SUPT5H: variants seen among roughly 807,000 people sequenced by gnomAD.
SUPT5H encodes transcription elongation factor SPT5.
SUPT5H carries 24 observed loss-of-function variants against 142.5 expected under a neutral mutation model. The ratio of observed to expected loss-of-function variants is 0.17; its 90% CI spans 0.12 to 0.24. SUPT5H has a LOEUF of 0.24. Ranked by LOEUF, SUPT5H falls within the 10% of genes least tolerant of loss-of-function variation. SUPT5H has a pLI of 1.00. For synonymous variants in SUPT5H, 546 were observed against 553.0 expected (o/e 0.99, Z 0.18); for missense variants, 893 against 1,471.8 (o/e 0.61, Z 6.43).
chr19:39,476,230 C>T, intron 29 of SUPT5H, 26 bp from the exon 30 acceptor site: 1 of 1,613,980 alleles, frequency 6.2e-7, no homozygotes, highest in Non-Finnish European at 8.5e-7. Flanking sequence ...TGACATGGAC[C>T]CTGACCATAT....
At chr19:39,456,450 C>T (rs2079091612) in intron 3 of SUPT5H, among the ~76,000 whole-genome samples, 1 of 149,670 alleles carries the variant, frequency 6.7e-6, no homozygotes, top group Admixed American at 6.7e-5. Context: ...ACGGAGTTTC[C>T]CTCTGTTGCC....
chr19:39,459,172 TC>T lies in SUPT5H; in HGVS notation c.459-10del. On this transcript the variant is annotated splice_polypyrimidine_tract_variant and intron_variant, in intron 7 of 29. Coordinates refer to ENST00000432763, the MANE Select transcript of SUPT5H (RefSeq NM_001111020.3). Reference sequence around the variant, plus strand: ...GAGCTTCACCCCTTCCTGACTGCCCTCCTCCCTTCAGGGTGTATGGAGGATC... The same window carrying T: ...GAGCTTCACCCCTTCCTGACTGCCCTCTCCCTTCAGGGTGTATGGAGGATC... 1 of 1,603,322 alleles carries T rather than the reference TC, an allele frequency of 6.2e-7. No individual in the cohort carries two copies.
intron 3 of SUPT5H, 36 bp downstream of exon 3, chr19:39,453,557 C>G (rs2079047599): frequency 6.9e-7 from 1 of 1,459,222 alleles, no homozygotes; most frequent in South Asian, 1.4e-5. Flanking sequence ...CGAGCAGAGG[C>G]TGAGCTTCTA....
intron 3 of SUPT5H, among the ~76,000 whole-genome samples, chr19:39,457,110 C>G (rs2079100752): frequency 6.6e-6 from 1 of 152,250 alleles, no homozygotes; most frequent in Non-Finnish European, 1.5e-5. Flanking sequence ...TGGAGCCAGA[C>G]TGCCTCTCTC....
chr19:39,469,464 C>A lies in SUPT5H; in HGVS notation c.1374+66C>A. On this transcript the variant is annotated intron_variant, in intron 16 of 29. Transcript: ENST00000432763. The surrounding 1 kb of genome is among the most constrained non-coding windows in gnomAD (Gnocchi z 5.1). ...GGCACATCTGACTGTATGTGGCTGT[C>A]GAGGCGGTGGTGTGCCTGGTGACAC... 2 of 1,604,230 alleles carry A rather than the reference C, an allele frequency of 1.2e-6. No individual in the cohort carries two copies. The highest frequency in any genetic ancestry group is 2.2e-5 in the South Asian group (2 of 90,382).
chr19:39,449,289 A>T (rs1439344697), intron 2 of SUPT5H, among the ~76,000 whole-genome samples: 1 of 151,830 alleles, frequency 6.6e-6, no homozygotes, highest in Non-Finnish European at 1.5e-5. Context: ...GGGAGGGAGG[A>T]GCCAGGTTTG....
intron 2 of SUPT5H, among the ~76,000 whole-genome samples, chr19:39,446,281 C>G (rs1730732428): frequency 2.0e-5 from 3 of 151,880 alleles, no homozygotes; most frequent in Admixed American, 2.0e-4. Flanking sequence ...GTAGTGCCTA[C>G]TATGTACCAG....
At chr19:39,459,499 G>T (rs1036809141) in intron 8 of SUPT5H, 60 bp from the exon 9 acceptor site, 1 of 1,604,604 alleles carries the variant, frequency 6.2e-7, no homozygotes, top group South Asian at 1.1e-5. Flanking sequence ...CTGGGGGTTC[G>T]TCTGTTTGTT....
At chr19:39,475,012 A>AT in intron 28 of SUPT5H, 1 of 482,862 alleles carries the variant, frequency 2.1e-6, no homozygotes, top group Admixed American at 3.5e-5. Context: ...AGGGAACTGC[A>AT]TGTGCAGAGG....
intron 14 of SUPT5H, 85 bp from the exon 15 acceptor site, chr19:39,468,994 C>T: frequency 1.3e-6 from 2 of 1,574,872 alleles, no homozygotes; most frequent in Non-Finnish European, 1.7e-6. Context: ...AATTATTCCC[C>T]TAGGACCCAC....
chr19:39,466,744 A>C lies in SUPT5H; in HGVS notation c.1036A>C (p.Arg346=). The C allele has an allele frequency of 1.9e-6, 3 of 1,614,188 alleles. No homozygotes were observed. The highest frequency in any genetic ancestry group is 2.5e-6 in the Non-Finnish European group (3 of 1,180,016). Reference sequence around the variant, plus strand: ...GAGGCTGTTTGATGCTGAGAAGATCAGGTGCGTGTCCTTGGGGACTGGCTG... The same window carrying C: ...GAGGCTGTTTGATGCTGAGAAGATCCGGTGCGTGTCCTTGGGGACTGGCTG... ...PQRLFDAEKI[R]SLGGDVASDG... is the part of the protein sequence containing the mutation. Residue 346 remains arginine, a splice_region_variant and synonymous_variant, in exon 13 of 30, where the codon AGG becomes CGG. Transcript: ENST00000432763. This position sits in a 1 kb window ranked among gnomAD's most constrained non-coding sequence, Gnocchi z 4.3.
intron 2 of SUPT5H, 32 bp downstream of exon 2, chr19:39,445,997 C>T: frequency 1.9e-6 from 3 of 1,601,120 alleles, no homozygotes; most frequent in African/African-American, 1.3e-5. Context: ...GGAGACATTG[C>T]GTCTGGGGAC....
At chr19:39,475,359 T>G (rs2079389617) in intron 28 of SUPT5H, 1 of 147,008 alleles carries the variant, frequency 6.8e-6, no homozygotes, top group South Asian at 2.1e-4. Context: ...ATCGTGCCAC[T>G]GCGCCCCAGT....
In SUPT5H at chr19:39,470,615, C is replaced by G. The variant is rs1380613523; in HGVS notation, c.1677+92C>G. 3 of 1,398,328 alleles carry G rather than the reference C, an allele frequency of 2.1e-6. No homozygotes were observed. In the African/African-American group the frequency reaches 4.4e-5, roughly 21 times the overall value. The allele number at this position is 1,398,328 out of a possible 1,614,324, so 86.6% of individuals were successfully genotyped here. ...CCTGGGAGGTGGCAGAGCCCCCAGA[C>G]TGCTCTGGGTTGCAGATCTGGCTCT... On this transcript the variant is annotated intron_variant, in intron 18 of 29. Coordinates refer to ENST00000432763, the MANE Select transcript of SUPT5H (RefSeq NM_001111020.3). This position sits in a 1 kb window ranked among gnomAD's most constrained non-coding sequence, Gnocchi z 5.8.
chr19:39,445,922 A>T lies in SUPT5H; in HGVS notation c.32A>T (p.Glu11Val). 6.2e-7 allele frequency: 1 copy of T among 1,612,660 alleles called. No individual in the cohort carries two copies. The highest frequency in any genetic ancestry group is 1.1e-5 in the South Asian group (1 of 91,066). ...GACAGCGAGGACAGCAACTTTTCCGAGGAGGAGGACAGCGAGCGCAGCAGT... is the reference window on the plus strand; with the variant it reads ...GACAGCGAGGACAGCAACTTTTCCGTGGAGGAGGACAGCGAGCGCAGCAGT... MSDSEDSNFS[E>V]EEDSERSSDG... Residue 11 changes from glutamate (E) to valine (V), a missense_variant, in exon 2 of 30, where the codon GAG (glutamate) becomes GTG (valine). Glu to Val is a moderately radical substitution (Grantham distance 121, BLOSUM62 -2). Transcript: ENST00000432763.
chr19:39,448,109 G>C (rs190073614), intron 2 of SUPT5H, among the ~76,000 whole-genome samples: 1 of 152,310 alleles, frequency 6.6e-6, no homozygotes, highest in East Asian at 1.9e-4. Flanking sequence ...CAGTTCCCAG[G>C]ATATGTTAGT....
chr19:39,464,734 C>G, intron 10 of SUPT5H, 64 bp from the exon 11 acceptor site: 1 of 1,533,964 alleles, frequency 6.5e-7, no homozygotes, highest in South Asian at 1.3e-5. Context: ...TGATGAGTGG[C>G]AGTCATTTCT....
At chr19:39,451,654 C>T (rs1404737865) in intron 2 of SUPT5H, among the ~76,000 whole-genome samples, 2 of 152,142 alleles carry the variant, frequency 1.3e-5, no homozygotes, top group East Asian at 1.9e-4. Flanking sequence ...ACCTCAGCCT[C>T]CTGAGTAGCT....
rs771355865 is a variant in SUPT5H, at chr19:39,469,158, T to C, written c.1223T>C (p.Val408Ala). 6.2e-7 allele frequency: 1 copy of C among 1,614,110 alleles called. No homozygotes were observed. Among genetic ancestry groups the C allele is most frequent in the South Asian group, 1.1e-5 (1 of 91,080 alleles). The change falls in exon 15 of 30, where the codon GTG becomes GCG. Residue 408 changes from valine to alanine, a missense_variant. Transcript: ENST00000432763. This position sits in a 1 kb window ranked among gnomAD's most constrained non-coding sequence, Gnocchi z 5.1. ...CCAGAGGGCATTGACCTGGAGGTGG[T>C]GACTGAGAGCACAGGTATTTGATCC... ...DQPEGIDLEV[V>A]TESTGKEREH...
Sources: allele counts gnomAD v4.1 joint callset (sites outside exome capture counted in the v4.1 genomes callset), GRCh38; gene constraint gnomAD v4.1.1; non-coding constraint Gnocchi (gnomAD v3.1); transcripts MANE v1.5; gene names NCBI Gene and HGNC (gene_info 2026-07-23, HGNC 2026-07-21).